ZBTB18: variants seen among roughly 807,000 people sequenced by gnomAD.
ZBTB18 encodes the protein zinc finger and BTB domain-containing protein 18.
A neutral mutation model predicts 37.7 loss-of-function variants in ZBTB18; 2 were observed. The ratio of observed to expected loss-of-function variants is 0.05; its 90% confidence interval spans 0.02 to 0.17. The LOEUF (loss-of-function observed/expected upper bound fraction) is 0.17, where lower values mean the gene tolerates loss of function less well. Among genes scored for constraint, ZBTB18 ranks in the 10% least tolerant of loss-of-function variants. The probability of loss-of-function intolerance (pLI) is 1.00; values close to 1 mark genes in which losing one functional copy is unlikely to be tolerated. For synonymous variants in ZBTB18, 304 were observed against 276.5 expected, an observed-to-expected ratio of 1.10 and a Z score of -0.99; for missense variants, 408 against 686.3, an observed-to-expected ratio of 0.59 and a Z score of 4.53.
In ZBTB18 at chr1:244,055,778, A is replaced by G. The variant is rs1468913368; in HGVS notation, c.*408A>G. On this transcript the variant is annotated 3_prime_UTR_variant, in exon 2 of 2. Coordinates refer to ENST00000358704, the MANE Select transcript of ZBTB18 (RefSeq NM_205768.3). The surrounding 1 kb of genome is among the most constrained non-coding windows in gnomAD (Gnocchi z 7.0). ...TCCCTCCAGTTTTATTAGCCTCTTT[A>G]TATGTCTCAAATTGCATGAATTTTT... 4.3e-5 allele frequency: 7 copies of G among 163,210 alleles called. No homozygotes were observed. The East Asian group carries it at 1.4e-3, about 32-fold the overall frequency. 10.1% of individuals were successfully genotyped at this position (163,210 alleles called of 1,614,324 possible). A position where few individuals can be genotyped will look rare whatever the true frequency, so the allele number is the denominator to read the frequency against.
Position 244,054,427 on chromosome 1 carries a change from G to C in ZBTB18, c.653G>C (p.Gly218Ala), listed in dbSNP as rs936986903. Reference sequence around the variant, plus strand: ...GCAGAGCCACACGCCACAGCAGCTGGAAAAACAGTAGCCAGCCCCTGCAGC... The same window carrying C: ...GCAGAGCCACACGCCACAGCAGCTGCAAAAACAGTAGCCAGCCCCTGCAGC... ...GEAEPHATAA[G>A]KTVASPCSST... The change falls in exon 2 of 2, where the codon GGA (glycine) becomes GCA (alanine). Residue 218 changes from glycine (G) to alanine (A), a missense_variant. Physicochemically the swap from Gly to Ala is moderately conservative, Grantham distance 60. This residue lies in a region of ZBTB18 where 266 missense variants were observed against 312.0 expected (regional missense o/e 0.85). Transcript: ENST00000358704. This position sits in a 1 kb window ranked among gnomAD's most constrained non-coding sequence, Gnocchi z 9.0. 3.1e-6 allele frequency: 5 copies of C among 1,614,070 alleles called. No homozygotes were observed. In the Admixed American group the frequency reaches 5.0e-5, roughly 16 times the overall value.
At position 244,053,522 on chromosome 1, in the gene ZBTB18, G is replaced by A. The variant is rs1698393069; in HGVS notation, c.14-266G>A. Among the ~76,000 whole-genome samples the A allele has an allele frequency of 6.6e-6, 1 of 152,152 alleles. No individual in the cohort carries two copies. Among genetic ancestry groups the A allele is most frequent in the Admixed American group, 6.5e-5 (1 of 15,274 alleles). ...TCTTAGTGAGAGACTGTAGTTAAAG[G>A]AAGGCTTTTAGAACTTGGGTTCAAG... On this transcript the variant is annotated intron_variant, in intron 1 of 1. Coordinates refer to ENST00000358704, the MANE Select transcript of ZBTB18 (RefSeq NM_205768.3). This position sits in a 1 kb window ranked among gnomAD's most constrained non-coding sequence, Gnocchi z 5.2.
chr1:244,051,498 A>G, intron 1 of ZBTB18, 54 bp downstream of exon 1: 4 of 1,605,956 alleles, frequency 2.5e-6, no homozygotes, highest in Admixed American at 3.4e-5. Flanking sequence ...TGTTTTGTTT[A>G]TTTAATTTTA....
At chr1:244,048,628 GCC>G (rs1325001619), upstream of ZBTB18, among the ~76,000 whole-genome samples, 2 of 79,442 alleles carry the variant, frequency 2.5e-5, 1 homozygote, top group Admixed American at 2.5e-4. Context: ...CCCCGCGCCC[GCC>G]CCCCCCCCGC....
chr1:244,054,935 C>T lies in ZBTB18; in HGVS notation c.1161C>T (p.Val387=). ...TCATGTGCCCCCTGTGCAACAAGGT[C>T]TTCCCCAGCCCCCACATCCTGCAGA... is the stretch of plus-strand genomic sequence containing the variant. ...QIFMCPLCNK[V]FPSPHILQIH... is the part of the protein sequence containing the mutation. Residue 387 remains valine (V), a synonymous_variant, in exon 2 of 2, where the codon GTC becomes GTT. Coordinates refer to ENST00000358704, the MANE Select transcript of ZBTB18 (RefSeq NM_205768.3). This position sits in a 1 kb window ranked among gnomAD's most constrained non-coding sequence, Gnocchi z 9.0. 6.2e-7 allele frequency: 1 copy of T among 1,614,116 alleles called. No individual in the cohort carries two copies. Among genetic ancestry groups the T allele is most frequent in the South Asian group, 1.1e-5 (1 of 91,082 alleles).
In ZBTB18 at chr1:244,056,837, C is replaced by T. The variant is rs1198336359; in HGVS notation, c.*1467C>T. On this transcript the variant is annotated 3_prime_UTR_variant, in exon 2 of 2. Transcript: ENST00000358704. The stretch of plus-strand genomic sequence containing the variant: ...TGGTTTTAATGACCAGCACGCAAGG[C>T]AAAAGCATTTTGCACAGTGTTTGTT... 2 of 167,030 alleles carry T rather than the reference C, an allele frequency of 1.2e-5. No homozygotes were observed. Among genetic ancestry groups the T allele is most frequent in the African/African-American group, 4.8e-5 (2 of 41,430 alleles). The allele number at this position is 167,030 out of a possible 1,614,324, so 10.3% of individuals were successfully genotyped here.
Position 244,052,711 on chromosome 1 carries a change from G to A in ZBTB18, c.14-1077G>A, listed in dbSNP as rs1414920999. ...TGAATATTTGCAAGAATAGAAGCTA[G>A]TGGGAAAACAGAAATATATCAAATT... On this transcript the variant is annotated intron_variant, in intron 1 of 1. Transcript: ENST00000358704. Among the ~76,000 whole-genome samples the A allele has an allele frequency of 2.0e-5, 3 of 151,910 alleles. No individual in the cohort carries two copies. In the East Asian group the frequency reaches 5.8e-4, roughly 29 times the overall value.
Sources: gnomAD v4.1 joint callset for allele counts (sites outside exome capture counted in the v4.1 genomes callset) on GRCh38, gnomAD v4.1.1 for gene constraint, gnomAD v4.1.1 regional missense constraint, Gnocchi (gnomAD v3.1) non-coding constraint, MANE v1.5 for transcripts, NCBI Gene and HGNC (gene_info 2026-07-23, HGNC 2026-07-21) for gene names.